The following HMCN1 variants were observed in gnomAD, a reference collection of about 807,000 sequenced individuals.
The protein encoded by HMCN1 is hemicentin 1.
Under a neutral mutation model 625.9 loss-of-function variants are expected in HMCN1, and 321 were observed. The observed-to-expected ratio is 0.51, with a 90% confidence interval of 0.47 to 0.56. The LOEUF is 0.56. Ranked by LOEUF, HMCN1 falls within the 20% of genes least tolerant of loss-of-function variation. HMCN1 has a pLI of 0.00. For synonymous variants in HMCN1, 2,425 were observed against 2,417.6 expected, an observed-to-expected ratio of 1.00 and a Z score of -0.09; for missense variants, 6,588 against 6,887.3, an observed-to-expected ratio of 0.96 and a Z score of 1.54.
At position 186,095,332 on chromosome 1, in the gene HMCN1, A is replaced by T; in HGVS notation, c.10384A>T (p.Thr3462Ser). The stretch of plus-strand genomic sequence containing the variant: ...CTCTATGGCATGCATTACTGATGGA[A>T]CCCCAGCTCCCAGTATGGCCTGGCT... Reference protein sequence around the residue: ...STSMACITDGTPAPSMAWLRD... With the variant: ...STSMACITDGSPAPSMAWLRD... Residue 3462 changes from threonine to serine, a missense_variant, in exon 68 of 107, where the codon ACC becomes TCC. Transcript: ENST00000271588. The T allele has an allele frequency of 1.9e-6, 3 of 1,613,624 alleles. No homozygotes were observed. Among genetic ancestry groups the T allele is most frequent in the Non-Finnish European group, 2.5e-6 (3 of 1,179,838 alleles).
chr1:186,011,140 G>A (rs765955500), intron 30 of HMCN1, among the ~76,000 whole-genome samples: 11 of 151,980 alleles, frequency 7.2e-5, no homozygotes, highest in Non-Finnish European at 1.2e-4. Context: ...CCGCCTCTTC[G>A]GTTCAAGTGA....
At chr1:186,042,881 T>C (rs567478874) in intron 40 of HMCN1, among the ~76,000 whole-genome samples, 1 of 152,218 alleles carries the variant, frequency 6.6e-6, no homozygotes, top group Non-Finnish European at 1.5e-5. Flanking sequence ...CAGATTTACA[T>C]TGTGGGGTAC....
chr1:186,021,636 G>A (rs1390249676), intron 35 of HMCN1, among the ~76,000 whole-genome samples: 1 of 152,190 alleles, frequency 6.6e-6, no homozygotes, highest in East Asian at 1.9e-4. Flanking sequence ...GTTTATAACA[G>A]TATGAATGGA....
chr1:185,876,652 C>G (rs1261484670), intron 4 of HMCN1, among the ~76,000 whole-genome samples: 3 of 152,062 alleles, frequency 2.0e-5, no homozygotes, highest in African/African-American at 7.2e-5. Flanking sequence ...TCACATTTCT[C>G]TGATGATTAG....
At chr1:185,935,024 C>T (rs1667740895) in intron 11 of HMCN1, among the ~76,000 whole-genome samples, 1 of 152,104 alleles carries the variant, frequency 6.6e-6, no homozygotes, top group Non-Finnish European at 1.5e-5. Context: ...CACATTTCCA[C>T]ATCAAACTGC....
intron 1 of HMCN1, among the ~76,000 whole-genome samples, chr1:185,840,303 C>A (rs941432415): frequency 6.6e-6 from 1 of 152,028 alleles, no homozygotes; most frequent in Admixed American, 6.6e-5. Flanking sequence ...AGAAAACATC[C>A]CCAATCCTTT....
chr1:186,005,305 AT>A (rs1452764773), intron 29 of HMCN1, among the ~76,000 whole-genome samples: 2 of 145,842 alleles, frequency 1.4e-5, no homozygotes, highest in Non-Finnish European at 1.5e-5. Context: ...AATTGTTTAA[AT>A]TGTTTATAAA....
chr1:185,958,765 A>T (rs1649801563), intron 11 of HMCN1, among the ~76,000 whole-genome samples: 1 of 152,140 alleles, frequency 6.6e-6, no homozygotes, highest in Admixed American at 6.5e-5. Context: ...TCCACCTTTG[A>T]GTGACTAGGC....
In HMCN1 at chr1:185,984,220, G is replaced by C. The variant is rs1276218467; in HGVS notation, c.2842G>C (p.Glu948Gln). 3 of 1,613,456 alleles carry C rather than the reference G, an allele frequency of 1.9e-6. No individual in the cohort carries two copies. In the East Asian group the frequency reaches 6.7e-5, roughly 36 times the overall value. Residue 948 changes from glutamate to glutamine, a missense_variant, in exon 19 of 107, where the codon GAA (glutamate) becomes CAA (glutamine). Coordinates refer to ENST00000271588, the MANE Select transcript of HMCN1 (RefSeq NM_031935.3). ...GCGCAGTGATGGGAGCCTCCATATT[G>C]AAAGAGTTCAGCTTCAGGATGGTGG... ...TVRSDGSLHI[E>Q]RVQLQDGGEY...
rs781559445 is a variant in HMCN1, at chr1:185,922,371, A to G, written c.901-8A>G. 9 of 1,613,192 alleles carry G rather than the reference A, an allele frequency of 5.6e-6. No homozygotes were observed. The highest frequency in any genetic ancestry group is 1.6e-4 in the Middle Eastern group (1 of 6,062). ...CTGCTGACCAGGTTTGTCATTAAAC[A>G]TTTTCAGACCTCAAGCAGTGGAAGG... is the stretch of plus-strand genomic sequence containing the variant. On this transcript the variant is annotated splice_polypyrimidine_tract_variant and splice_region_variant and intron_variant, in intron 6 of 106. Coordinates refer to ENST00000271588, the MANE Select transcript of HMCN1 (RefSeq NM_031935.3).
At chr1:185,800,058 AG>A (rs1193383306) in intron 1 of HMCN1, among the ~76,000 whole-genome samples, 1 of 152,194 alleles carries the variant, frequency 6.6e-6, no homozygotes, top group African/African-American at 2.4e-5. Flanking sequence ...TGTGCAGCAG[AG>A]GTGCCTCTAC....
chr1:186,028,082 A>C (rs996716717), intron 36 of HMCN1, among the ~76,000 whole-genome samples: 6 of 152,188 alleles, frequency 3.9e-5, no homozygotes, highest in Non-Finnish European at 8.8e-5. Flanking sequence ...ATATTAACTC[A>C]CAAAAATTAC....
Position 186,148,430 on chromosome 1 carries a change from T to C in HMCN1, c.14608+2507T>C, listed in dbSNP as rs1285565704. 2.6e-5 allele frequency among the ~76,000 whole-genome samples: 4 copies of C among 152,202 alleles called. No individual in the cohort carries two copies. In the East Asian group the frequency reaches 7.7e-4, roughly 29 times the overall value. ...AATGGCATCTAGAATGATGAATTCTTCCCAGAAGGTTTTCAATTTACTTTG... is the reference window on the plus strand; with the variant it reads ...AATGGCATCTAGAATGATGAATTCTCCCCAGAAGGTTTTCAATTTACTTTG... On this transcript the variant is annotated intron_variant, in intron 93 of 106. Coordinates refer to ENST00000271588, the MANE Select transcript of HMCN1 (RefSeq NM_031935.3).
intron 19 of HMCN1, among the ~76,000 whole-genome samples, chr1:185,984,867 G>T (rs1169307952): frequency 6.6e-6 from 1 of 151,820 alleles, no homozygotes; most frequent in Non-Finnish European, 1.5e-5. Context: ...CTCAATAATT[G>T]ACAGCTTCAT....
At chr1:186,132,570 T>G (rs1163092904) in intron 86 of HMCN1, among the ~76,000 whole-genome samples, 161 bp downstream of exon 86, 1 of 152,172 alleles carries the variant, frequency 6.6e-6, no homozygotes, top group Non-Finnish European at 1.5e-5. Flanking sequence ...TCATCAAACA[T>G]AAATCTGATA....
rs779282301 is a variant in HMCN1 at position 186,055,715 on chromosome 1, C to T, written c.7144+41C>T. ...CTCAATATGTCCATTCACTGGCTAACGTAATCTAGCATCCTGGATGGGAGA... is the reference window on the plus strand; with the variant it reads ...CTCAATATGTCCATTCACTGGCTAATGTAATCTAGCATCCTGGATGGGAGA... On this transcript the variant is annotated intron_variant, in intron 45 of 106. Transcript: ENST00000271588. 3.0e-5 allele frequency: 47 copies of T among 1,583,762 alleles called. 2 individuals are homozygous for T. Among genetic ancestry groups the T allele is most frequent in the South Asian group, 2.9e-4 (26 of 90,168 alleles).
chr1:185,890,101 G>C (rs1450474310), intron 4 of HMCN1, among the ~76,000 whole-genome samples: 1 of 151,860 alleles, frequency 6.6e-6, no homozygotes, highest in Non-Finnish European at 1.5e-5. Flanking sequence ...TTAGCTTAGA[G>C]GTGTTTGTAG....
At position 185,855,714 on chromosome 1, in the gene HMCN1, A is replaced by G. The variant is rs187600260; in HGVS notation, c.340-8756A>G. Among the ~76,000 whole-genome samples, 218 of 152,340 alleles carry G rather than the reference A, an allele frequency of 1.4e-3. 1 individual carries two copies. The highest frequency in any genetic ancestry group is 5.0e-3 in the African/African-American group (209 of 41,590). ...GAAAGAAGGTCCAACGAGTTGAAAG[A>G]TCAGTTGCCGATGAGTTAAATCCTT... On this transcript the variant is annotated intron_variant, in intron 2 of 106. Coordinates refer to ENST00000271588, the MANE Select transcript of HMCN1 (RefSeq NM_031935.3).
chr1:186,160,238 T>C (rs1651354281), intron 97 of HMCN1, among the ~76,000 whole-genome samples: 1 of 147,684 alleles, frequency 6.8e-6, no homozygotes, highest in African/African-American at 2.5e-5. Context: ...CTGATGGTAG[T>C]TTGTATTTCT....
Sources: allele counts gnomAD v4.1 joint callset (sites outside exome capture counted in the v4.1 genomes callset), GRCh38; gene constraint gnomAD v4.1.1; transcripts MANE v1.5; gene names NCBI Gene and HGNC (gene_info 2026-07-23, HGNC 2026-07-21).